Variants in RBMS3 observed in about 807,000 individuals in gnomAD.
RBMS3 encodes RNA-binding motif, single-stranded-interacting protein 3.
In RBMS3, 27 loss-of-function variants were observed where a neutral mutation model predicts 66.8. That is an observed-to-expected ratio of 0.40 (90% CI 0.30 to 0.56). The LOEUF (loss-of-function observed/expected upper bound fraction) is 0.56. Among genes scored for constraint, RBMS3 ranks in the 20% least tolerant of loss-of-function variants. RBMS3 has a pLI of 0.40. For synonymous variants in RBMS3, 188 were observed against 183.0 expected (o/e 1.03, Z -0.22); for missense variants, 513 against 549.5 (o/e 0.93, Z 0.66).
intron 1 of RBMS3, among the ~76,000 whole-genome samples, chr3:29,398,259 T>C (rs1700711624): frequency 6.6e-6 from 1 of 152,190 alleles, no homozygotes; most frequent in Admixed American, 6.5e-5. Flanking sequence ...AGCAGTGTTA[T>C]TTCTTTAATT....
intron 1 of RBMS3, among the ~76,000 whole-genome samples, chr3:29,410,439 A>G (rs1483173547): frequency 6.6e-6 from 1 of 152,176 alleles, no homozygotes; most frequent in Non-Finnish European, 1.5e-5. Context: ...CCATTAGGCT[A>G]GTCTAGGCAA....
intron 12 of RBMS3, among the ~76,000 whole-genome samples, chr3:29,961,878 G>C (rs1232159697): frequency 6.6e-6 from 1 of 150,918 alleles, no homozygotes; most frequent in Non-Finnish European, 1.5e-5. Context: ...AATCAGGAGG[G>C]AGTTAAACTG....
At chr3:29,782,057 T>G (rs1271081652) in intron 6 of RBMS3, among the ~76,000 whole-genome samples, 1 of 152,062 alleles carries the variant, frequency 6.6e-6, no homozygotes, top group African/African-American at 2.4e-5. Flanking sequence ...CTACCCACCC[T>G]CGGAGTCGAA....
intron 14 of RBMS3, among the ~76,000 whole-genome samples, chr3:29,996,194 G>C (rs1167290367): frequency 1.3e-5 from 2 of 149,596 alleles, no homozygotes; most frequent in Admixed American, 1.3e-4. Flanking sequence ...ATGGTAAAGG[G>C]ATCAATTCAA....
At chr3:29,387,485 C>T (rs1211057373) in intron 1 of RBMS3, among the ~76,000 whole-genome samples, 2 of 152,158 alleles carry the variant, frequency 1.3e-5, no homozygotes, top group Non-Finnish European at 2.9e-5. Flanking sequence ...TCTCTGTAAT[C>T]CTGGTCCAGA....
At chr3:29,985,989 G>A (rs1379738798) in intron 12 of RBMS3, among the ~76,000 whole-genome samples, 2 of 152,160 alleles carry the variant, frequency 1.3e-5, no homozygotes, top group Non-Finnish European at 2.9e-5. Flanking sequence ...GAGTGGGGAT[G>A]GACCAGAGTA....
intron 4 of RBMS3, among the ~76,000 whole-genome samples, chr3:29,660,141 G>A (rs1391176521): frequency 6.6e-6 from 1 of 152,110 alleles, no homozygotes; most frequent in Non-Finnish European, 1.5e-5. Context: ...CTATTAGTGA[G>A]AGTGGGGTAT....
chr3:29,362,764 A>G (rs11927130), intron 1 of RBMS3, among the ~76,000 whole-genome samples: 28,285 of 152,086 alleles, frequency 0.19, 2,785 homozygotes, highest in Admixed American at 0.25. Flanking sequence ...GGATTAAGAT[A>G]TTTTAAGGTA....
At chr3:29,974,713 TC>T (rs1435969754) in intron 12 of RBMS3, among the ~76,000 whole-genome samples, 1 of 150,778 alleles carries the variant, frequency 6.6e-6, no homozygotes, top group African/African-American at 2.4e-5. Flanking sequence ...ATGTCTGCCT[TC>T]TTTAATTCAA....
At position 29,831,416 on chromosome 3, in the gene RBMS3, AT is replaced by A. The variant is rs11328374; in HGVS notation, c.638-37441del. ...CAAAATAAAAATGAAGGAAAAAATA[AT>A]GTGTGAAGCATTTTTGAGCTCTAAA... On this transcript the variant is annotated intron_variant, in intron 6 of 14. Coordinates refer to ENST00000383767, the MANE Select transcript of RBMS3 (RefSeq NM_001003793.3). 1.7e-3 allele frequency among the ~76,000 whole-genome samples: 260 copies of A among 152,280 alleles called. 2 individuals are homozygous for A. Among genetic ancestry groups the A allele is most frequent in the African/African-American group, 6.0e-3 (249 of 41,578 alleles).
At chr3:29,598,088 G>A (rs908425889) in intron 4 of RBMS3, among the ~76,000 whole-genome samples, 4 of 152,036 alleles carry the variant, frequency 2.6e-5, no homozygotes, top group Non-Finnish European at 5.9e-5. Context: ...TATTACTTGT[G>A]GACGAACACT....
intron 2 of RBMS3, among the ~76,000 whole-genome samples, chr3:29,440,977 G>A (rs898805070): frequency 2.6e-5 from 4 of 152,144 alleles, no homozygotes; most frequent in Admixed American, 6.6e-5. Flanking sequence ...AGAAAAATGT[G>A]ACTGGAAATT....
At chr3:29,404,556 A>C (rs959282463) in intron 1 of RBMS3, among the ~76,000 whole-genome samples, 4 of 152,094 alleles carry the variant, frequency 2.6e-5, no homozygotes, top group African/African-American at 9.7e-5. Context: ...CCTTAATTGC[A>C]ACACTATTTT....
At chr3:29,997,837 C>T (rs1389437617) in intron 14 of RBMS3, among the ~76,000 whole-genome samples, 2 of 152,144 alleles carry the variant, frequency 1.3e-5, no homozygotes, top group Non-Finnish European at 2.9e-5. Flanking sequence ...AAACTGGAAG[C>T]ATTCCCTTTG....
At chr3:29,731,688 T>C (rs1433754956) in intron 4 of RBMS3, among the ~76,000 whole-genome samples, 2 of 152,204 alleles carry the variant, frequency 1.3e-5, no homozygotes, top group African/African-American at 4.8e-5. Flanking sequence ...GCAGAAGTCC[T>C]AGTGGGAAGT....
intron 3 of RBMS3, among the ~76,000 whole-genome samples, chr3:29,491,430 CTTTG>C (rs2043539690): frequency 6.6e-6 from 1 of 152,142 alleles, no homozygotes; most frequent in African/African-American, 2.4e-5. Flanking sequence ...TTACATCTCT[CTTTG>C]TTTTTTATAT....
chr3:29,999,452 G>A (rs1351078742), intron 14 of RBMS3, among the ~76,000 whole-genome samples: 1 of 152,028 alleles, frequency 6.6e-6, no homozygotes, highest in Non-Finnish European at 1.5e-5. Flanking sequence ...TGCTATAAAG[G>A]CACATGCACA....
intron 6 of RBMS3, among the ~76,000 whole-genome samples, chr3:29,772,307 AGATG>A (rs2056244212): frequency 6.6e-6 from 1 of 152,030 alleles, no homozygotes; most frequent in Non-Finnish European, 1.5e-5. Context: ...TCTAAGTCTT[AGATG>A]ATTTTTTCTA....
At chr3:29,473,317 A>G (rs918938206) in intron 2 of RBMS3, among the ~76,000 whole-genome samples, 1 of 152,208 alleles carries the variant, frequency 6.6e-6, no homozygotes, top group African/African-American at 2.4e-5. Flanking sequence ...AGCTAGACAT[A>G]AAGGTTCTCC....
Sources: allele counts gnomAD v4.1 joint callset (sites outside exome capture counted in the v4.1 genomes callset), GRCh38; gene constraint gnomAD v4.1.1; transcripts MANE v1.5; gene names NCBI Gene and HGNC (gene_info 2026-07-23, HGNC 2026-07-21).